Variants in MECOM observed in about 807,000 individuals in gnomAD.
MECOM encodes histone-lysine N-methyltransferase MECOM.
MECOM carries 13 observed loss-of-function variants against 116.3 expected under a neutral mutation model. The ratio of observed to expected loss-of-function variants is 0.11; its 90% CI spans 0.07 to 0.18. The LOEUF (loss-of-function observed/expected upper bound fraction) is 0.18, where lower values mean the gene tolerates loss of function less well. Among genes scored for constraint, MECOM ranks in the 10% least tolerant of loss-of-function variants. The pLI, the probability that MECOM is intolerant of heterozygous loss-of-function variation, is 1.00. For synonymous variants in MECOM, 528 were observed against 535.2 expected (o/e 0.99, Z 0.19); for missense variants, 1,299 against 1,509.0 (o/e 0.86, Z 2.31).
intron 1 of MECOM, among the ~76,000 whole-genome samples, chr3:169,576,713 T>C (rs946971647): frequency 6.6e-6 from 1 of 151,970 alleles, no homozygotes; most frequent in African/African-American, 2.4e-5. Context: ...GGGTTGAAAC[T>C]TGGAAAGGTT....
chr3:169,145,882 C>G, intron 2 of MECOM: 1 of 214,194 alleles, frequency 4.7e-6, no homozygotes, highest in Non-Finnish European at 9.4e-6. Context: ...ATCTGTTATA[C>G]GATTATTCAA....
At chr3:169,118,932 C>T (rs1456485257) in intron 7 of MECOM, among the ~76,000 whole-genome samples, 1 of 152,152 alleles carries the variant, frequency 6.6e-6, no homozygotes, top group East Asian at 1.9e-4. Context: ...TCCAGGTAAA[C>T]TGGTTCAATT....
chr3:169,088,913 A>C, intron 16 of MECOM, 87 bp downstream of exon 16: 1 of 1,157,210 alleles, frequency 8.6e-7, no homozygotes, highest in Non-Finnish European at 1.2e-6. Flanking sequence ...TATTTCAAAG[A>C]TAGAATATTT....
intron 1 of MECOM, among the ~76,000 whole-genome samples, chr3:169,410,727 C>T (rs758083280): frequency 1.5e-4 from 23 of 152,032 alleles, no homozygotes; most frequent in Non-Finnish European, 2.6e-4. Context: ...TGCCCATTGA[C>T]GCCTATCAAA....
intron 2 of MECOM, among the ~76,000 whole-genome samples, chr3:169,179,579 T>C (rs1745672027): frequency 6.6e-6 from 1 of 152,074 alleles, no homozygotes; most frequent in Non-Finnish European, 1.5e-5. Context: ...AGTCAACAAT[T>C]AAACAAGAAT....
intron 1 of MECOM, among the ~76,000 whole-genome samples, chr3:169,388,035 A>G (rs1272875551): frequency 6.6e-6 from 1 of 151,960 alleles, no homozygotes; most frequent in Non-Finnish European, 1.5e-5. Context: ...TTTGTGCCCA[A>G]CTTGCAAGCA....
Position 169,625,670 on chromosome 3 carries a change from T to G in MECOM, c.37+37666A>C, listed in dbSNP as rs376399758. On this transcript the variant is annotated intron_variant, in intron 1 of 16. Coordinates refer to ENST00000651503, the MANE Select transcript of MECOM (RefSeq NM_004991.4). ...ACAGTCTTTCCACAAATCACTTCACTTGCTATCAAATGTCTTCCAAAAGAC... is the reference window on the plus strand; with the variant it reads ...ACAGTCTTTCCACAAATCACTTCACGTGCTATCAAATGTCTTCCAAAAGAC... Among the ~76,000 whole-genome samples, 3 of 152,352 alleles carry G rather than the reference T, an allele frequency of 2.0e-5. No homozygotes were observed. In the East Asian group the frequency reaches 5.8e-4, roughly 29 times the overall value.
intron 2 of MECOM, among the ~76,000 whole-genome samples, chr3:169,342,338 C>A (rs979096124): frequency 6.6e-6 from 1 of 151,784 alleles, no homozygotes. Context: ...CATGAAATAA[C>A]TGGAACTCAG....
chr3:169,292,167 AC>A lies in MECOM; in HGVS notation c.375+89019del, dbSNP rs1362734179. On this transcript the variant is annotated intron_variant, in intron 2 of 16. Coordinates refer to ENST00000651503, the MANE Select transcript of MECOM (RefSeq NM_004991.4). ...AGAGCAGCCTGGCCAACATGGTGAA[AC>A]CCTGTCTCTACTAAAAATTCGAAAA... 2.6e-5 allele frequency among the ~76,000 whole-genome samples: 4 copies of A among 152,014 alleles called. 1 individual carries two copies. The East Asian group carries it at 5.8e-4, about 22-fold the overall frequency.
intron 1 of MECOM, among the ~76,000 whole-genome samples, chr3:169,434,847 A>G (rs919708547): frequency 3.9e-5 from 6 of 152,296 alleles, no homozygotes; most frequent in African/African-American, 1.4e-4. Flanking sequence ...TGTTTCATCA[A>G]TCTTTTATGA....
chr3:169,342,771 G>T (rs568324399), intron 2 of MECOM, among the ~76,000 whole-genome samples: 2 of 152,064 alleles, frequency 1.3e-5, no homozygotes, highest in Non-Finnish European at 2.9e-5. Context: ...TAAAAGTCTC[G>T]AGTAAACGGA....
At chr3:169,548,906 A>G (rs1761042050) in intron 1 of MECOM, among the ~76,000 whole-genome samples, 1 of 152,088 alleles carries the variant, frequency 6.6e-6, no homozygotes. Context: ...TGATACCTAG[A>G]GAGCTTAAAT....
intron 2 of MECOM, among the ~76,000 whole-genome samples, chr3:169,219,494 G>T (rs559187427): frequency 6.6e-6 from 1 of 152,140 alleles, no homozygotes; most frequent in Non-Finnish European, 1.5e-5. Flanking sequence ...GCGACAGAGC[G>T]AGACTCCGTC....
intron 1 of MECOM, among the ~76,000 whole-genome samples, chr3:169,545,824 T>C (rs7629145): frequency 0.22 from 33,119 of 152,080 alleles, 4,645 homozygotes; most frequent in East Asian, 0.7. Context: ...TGACCATCCC[T>C]TTTGGTTTCC....
chr3:169,254,235 C>G (rs1756593439), intron 2 of MECOM, among the ~76,000 whole-genome samples: 1 of 152,106 alleles, frequency 6.6e-6, no homozygotes, highest in Non-Finnish European at 1.5e-5. Flanking sequence ...GGGAGTCAGT[C>G]TAGCACATCC....
At chr3:169,449,379 T>G (rs1251962590) in intron 1 of MECOM, among the ~76,000 whole-genome samples, 1 of 152,204 alleles carries the variant, frequency 6.6e-6, no homozygotes, top group Non-Finnish European at 1.5e-5. Flanking sequence ...CCTCAGATTA[T>G]TCATTTATTA....
intron 1 of MECOM, among the ~76,000 whole-genome samples, chr3:169,385,411 T>C (rs1055324456): frequency 3.9e-5 from 6 of 152,060 alleles, no homozygotes; most frequent in Admixed American, 6.6e-5. Flanking sequence ...TTCATCCATA[T>C]GCAAGCACTA....
intron 10 of MECOM, among the ~76,000 whole-genome samples, chr3:169,103,015 TC>T (rs1390557066): frequency 6.6e-6 from 1 of 151,398 alleles, no homozygotes; most frequent in Non-Finnish European, 1.5e-5. Context: ...ATTCTTCCCC[TC>T]TAGTAATCTA....
chr3:169,316,086 C>T (rs1276143260), intron 2 of MECOM, among the ~76,000 whole-genome samples: 10 of 152,170 alleles, frequency 6.6e-5, no homozygotes, highest in Non-Finnish European at 8.8e-5. Context: ...AATACTAATG[C>T]TTCTGTAATT....
Sources: gnomAD v4.1 joint callset for allele counts (sites outside exome capture counted in the v4.1 genomes callset) on GRCh38, gnomAD v4.1.1 for gene constraint, MANE v1.5 for transcripts, NCBI Gene and HGNC (gene_info 2026-07-23, HGNC 2026-07-21) for gene names.